The following FAF1 variants were observed in gnomAD, a reference collection of about 807,000 sequenced individuals.
The protein encoded by FAF1 is FAS-associated factor 1.
Under a neutral mutation model 92.5 loss-of-function variants are expected in FAF1, and 25 were observed. The ratio of observed to expected loss-of-function variants is 0.27; its 90% confidence interval spans 0.20 to 0.38. The LOEUF is 0.38. Among genes scored for constraint, FAF1 ranks in the 10% least tolerant of loss-of-function variants. The pLI, the probability that FAF1 is intolerant of heterozygous loss-of-function variation, is 1.00. For synonymous variants in FAF1, 234 were observed against 273.2 expected, an observed-to-expected ratio of 0.86 and a Z score of 1.42; for missense variants, 636 against 793.3, an observed-to-expected ratio of 0.80 and a Z score of 2.38.
At chr1:50,563,564 C>G (rs1373847640) in intron 13 of FAF1, among the ~76,000 whole-genome samples, 1 of 152,122 alleles carries the variant, frequency 6.6e-6, no homozygotes, top group Non-Finnish European at 1.5e-5. Context: ...AAGGAAAAAA[C>G]CTCCAATTTA....
chr1:50,852,561 G>A (rs1250617048), intron 2 of FAF1, among the ~76,000 whole-genome samples: 1 of 152,110 alleles, frequency 6.6e-6, no homozygotes, highest in East Asian at 1.9e-4. Context: ...GAAGAAAAAA[G>A]CCAGTACAGA....
At chr1:50,756,370 T>G (rs1483094076) in intron 4 of FAF1, among the ~76,000 whole-genome samples, 1 of 146,396 alleles carries the variant, frequency 6.8e-6, no homozygotes, top group Non-Finnish European at 1.5e-5. Flanking sequence ...CCCAACAAGT[T>G]CTTCATCTCC....
At chr1:50,903,138 AAC>A (rs143235822) in intron 1 of FAF1, among the ~76,000 whole-genome samples, 2,910 of 152,264 alleles carry the variant, frequency 0.019, 93 homozygotes, top group African/African-American at 0.067. Flanking sequence ...CCCAGTGCAC[AAC>A]ACAGATACCT....
At chr1:50,529,691 C>T (rs775360171) in intron 15 of FAF1, among the ~76,000 whole-genome samples, 1 of 152,138 alleles carries the variant, frequency 6.6e-6, no homozygotes, top group Non-Finnish European at 1.5e-5. Flanking sequence ...AGCTTGAGAA[C>T]ATGTCTGGCT....
chr1:50,635,005 G>A (rs895956165), intron 8 of FAF1, among the ~76,000 whole-genome samples: 9 of 152,118 alleles, frequency 5.9e-5, no homozygotes, highest in Admixed American at 6.5e-5. Context: ...GCTCAGATAA[G>A]ATCATGTACA....
chr1:50,648,880 C>T (rs541436962), intron 8 of FAF1, among the ~76,000 whole-genome samples: 9 of 152,284 alleles, frequency 5.9e-5, no homozygotes, highest in Admixed American at 3.9e-4. Flanking sequence ...GAGCCAAGAT[C>T]GTGCCATTGC....
intron 8 of FAF1, among the ~76,000 whole-genome samples, chr1:50,647,738 C>A (rs749119323): frequency 2.3e-4 from 35 of 152,108 alleles, no homozygotes; most frequent in Non-Finnish European, 2.9e-4. Flanking sequence ...AATAACTCTA[C>A]GAGTTATTGT....
intron 17 of FAF1, 88 bp from the exon 18 acceptor site, chr1:50,475,767 T>C: frequency 2.5e-6 from 2 of 805,150 alleles, no homozygotes; most frequent in South Asian, 2.2e-5. Flanking sequence ...AAAGCTGCTG[T>C]TTTCTAGAAA....
intron 7 of FAF1, among the ~76,000 whole-genome samples, chr1:50,668,972 GCT>G (rs1320733791): frequency 1.3e-5 from 2 of 152,020 alleles, no homozygotes; most frequent in African/African-American, 4.8e-5. Flanking sequence ...GCCATAACCT[GCT>G]CTATTCAAAA....
intron 5 of FAF1, among the ~76,000 whole-genome samples, chr1:50,739,528 A>T (rs1659303010): frequency 6.6e-6 from 1 of 152,156 alleles, no homozygotes; most frequent in Admixed American, 6.5e-5. Flanking sequence ...AAGCAACACA[A>T]ACAGATAAGA....
chr1:50,761,135 C>T (rs1300609848), intron 4 of FAF1, among the ~76,000 whole-genome samples: 1 of 152,032 alleles, frequency 6.6e-6, no homozygotes, highest in Admixed American at 6.6e-5. Context: ...AAGACTAAAC[C>T]AGGAAGAAGT....
intron 1 of FAF1, among the ~76,000 whole-genome samples, chr1:50,863,493 G>GA (rs1644452979): frequency 2.0e-5 from 3 of 151,398 alleles, no homozygotes; most frequent in Admixed American, 6.6e-5. Context: ...AAACCCAGCA[G>GA]AAAAAAAGAA....
intron 5 of FAF1, among the ~76,000 whole-genome samples, chr1:50,744,341 C>T (rs1278004958): frequency 6.6e-6 from 1 of 152,022 alleles, no homozygotes; most frequent in Non-Finnish European, 1.5e-5. Flanking sequence ...TATGTAATTG[C>T]TCAGAAAATT....
At chr1:50,651,092 A>C (rs1464235942) in intron 8 of FAF1, among the ~76,000 whole-genome samples, 1 of 152,204 alleles carries the variant, frequency 6.6e-6, no homozygotes, top group Non-Finnish European at 1.5e-5. Flanking sequence ...GAAGTCTATT[A>C]GGTTCATAAG....
chr1:50,612,569 CTG>C (rs951007538), intron 8 of FAF1: 2 of 624,422 alleles, frequency 3.2e-6, no homozygotes, highest in Non-Finnish European at 4.0e-6. Flanking sequence ...CCCCTCAACA[CTG>C]TGGAACTCTT....
chr1:50,446,875 C>T (rs750234776), intron 18 of FAF1, among the ~76,000 whole-genome samples: 4 of 151,820 alleles, frequency 2.6e-5, no homozygotes, highest in Non-Finnish European at 5.9e-5. Context: ...GGAAATCAGC[C>T]CCACTCTGTA....
intron 17 of FAF1, among the ~76,000 whole-genome samples, chr1:50,477,806 T>C (rs1437517964): frequency 1.3e-5 from 2 of 152,186 alleles, no homozygotes; most frequent in Non-Finnish European, 2.9e-5. Flanking sequence ...CCAAATACAG[T>C]GCATAGCACA....
intron 12 of FAF1, among the ~76,000 whole-genome samples, chr1:50,573,109 CT>C (rs111946633): frequency 1.8e-3 from 257 of 142,966 alleles, no homozygotes; most frequent in Middle Eastern, 7.5e-3. Flanking sequence ...TTTTTCTTTT[CT>C]TTTTTTTTTT....
chr1:50,832,880 A>T (rs953772331), intron 2 of FAF1, among the ~76,000 whole-genome samples: 2 of 152,194 alleles, frequency 1.3e-5, no homozygotes, highest in African/African-American at 4.8e-5. Context: ...AAAAAAAATT[A>T]AGCTATTTAT....
Sources: gnomAD v4.1 joint callset for allele counts (sites outside exome capture counted in the v4.1 genomes callset) on GRCh38, gnomAD v4.1.1 for gene constraint, MANE v1.5 for transcripts, NCBI Gene and HGNC (gene_info 2026-07-23, HGNC 2026-07-21) for gene names.